AHNAK: variants seen among roughly 807,000 people sequenced by gnomAD.
AHNAK encodes AHNAK nucleoprotein.
In AHNAK, 23 loss-of-function variants were observed where a neutral mutation model predicts 37.8. The ratio of observed to expected loss-of-function variants is 0.61; its 90% CI spans 0.44 to 0.86. AHNAK has a LOEUF of 0.86. Among genes scored for constraint, AHNAK ranks in the 40% least tolerant of loss-of-function variants. The pLI is 0.00. For missense variants in AHNAK, 7,411 were observed against 7,319.4 expected (o/e 1.01, Z -0.46); for synonymous variants, 2,481 against 2,636.3 (o/e 0.94, Z 1.80).
chr11:62,473,607 C>T (rs1330645810), intron 5 of AHNAK, among the ~76,000 whole-genome samples: 1 of 151,596 alleles, frequency 6.6e-6, no homozygotes, highest in Non-Finnish European at 1.5e-5. Context: ...CTGGCGTGAA[C>T]CTGGGAGGCA....
At chr11:62,481,105 T>G (rs1939263650) in intron 5 of AHNAK, among the ~76,000 whole-genome samples, 2 of 137,944 alleles carry the variant, frequency 1.4e-5, no homozygotes, top group African/African-American at 5.1e-5. Context: ...TTTTTTTTGG[T>G]TTTTTTTTTG....
At chr11:62,487,191 C>T (rs765476229) in intron 5 of AHNAK, among the ~76,000 whole-genome samples, 2 of 152,236 alleles carry the variant, frequency 1.3e-5, no homozygotes. Context: ...TTATTAAGCA[C>T]TTACTGTATG....
At chr11:62,441,671 T>G (rs1179831185) in intron 5 of AHNAK, among the ~76,000 whole-genome samples, 1 of 151,750 alleles carries the variant, frequency 6.6e-6, no homozygotes, top group Non-Finnish European at 1.5e-5. Context: ...CCAGCTAACT[T>G]TTGTATTTTC....
In AHNAK at chr11:62,519,731, C is replaced by A; in HGVS notation, c.14686G>T (p.Asp4896Tyr). The change falls in exon 5 of 5, where the codon GAT (aspartate) becomes TAT (tyrosine). Residue 4896 changes from aspartate (D) to tyrosine (Y), a missense_variant. By Grantham distance (160) the Asp-to-Tyr change is radical. Coordinates refer to ENST00000378024, the MANE Select transcript of AHNAK (RefSeq NM_001620.3). ...AAAGATGGGCCACTGAGTTTGGCAT[C>A]AGGGCCTTCGAAATCCAGACGTGGA... is the stretch of plus-strand genomic sequence containing the variant. ...KGPRLDFEGP[D>Y]AKLSGPSLKM... 6.2e-7 allele frequency: 1 copy of A among 1,613,792 alleles called. No homozygotes were observed. The highest frequency in any genetic ancestry group is 8.5e-7 in the Non-Finnish European group (1 of 1,179,874).
At position 62,518,661 on chromosome 11, in the gene AHNAK, T is replaced by TC; in HGVS notation, c.15755dup (p.Ala5253SerfsTer11). 6.2e-7 allele frequency: 1 copy of TC among 1,614,014 alleles called. No homozygotes were observed. The highest frequency in any genetic ancestry group is 8.5e-7 in the Non-Finnish European group (1 of 1,179,998). Reference sequence around the variant, plus strand: ...AGGGTAGCTGGGCATGGACCTCGGCTCCCCCACCCTCCATTTTCACACCTG... The same window carrying TC: ...AGGGTAGCTGGGCATGGACCTCGGCTCCCCCCACCCTCCATTTTCACACCTG... On this transcript the variant is annotated frameshift_variant, in exon 5 of 5. Coordinates refer to ENST00000378024, the MANE Select transcript of AHNAK (RefSeq NM_001620.3). LOFTEE classifies it high-confidence loss of function.
Position 62,533,916 on chromosome 11 carries a change from C to T in AHNAK, c.501G>A (p.Arg167=). Residue 167 remains arginine (R), a synonymous_variant, in exon 5 of 5, where the codon CGG becomes CGA. Transcript: ENST00000378024. ...VTAYTVDVTG[R]EGAKDIDISS... is the part of the protein sequence containing the mutation. The stretch of plus-strand genomic sequence containing the variant: ...TGATGTCTATGTCCTTGGCTCCTTC[C>T]CGGCCAGTCACATCCACAGTGTAGG... 1 of 1,614,176 alleles carries T rather than the reference C, an allele frequency of 6.2e-7. No individual in the cohort carries two copies. The highest frequency in any genetic ancestry group is 2.2e-5 in the East Asian group (1 of 44,884).
At chr11:62,458,484 C>T (rs368117100) in intron 5 of AHNAK, among the ~76,000 whole-genome samples, 2 of 152,246 alleles carry the variant, frequency 1.3e-5, no homozygotes, top group South Asian at 4.1e-4. Context: ...AACTAACTCA[C>T]CCTCCCTACA....
Position 62,525,637 on chromosome 11 carries a change from C to A in AHNAK, c.8780G>T (p.Gly2927Val), listed in dbSNP as rs1940451805. 1 of 1,613,756 alleles carries A rather than the reference C, an allele frequency of 6.2e-7. No individual in the cohort carries two copies. Among genetic ancestry groups the A allele is most frequent in the Non-Finnish European group, 8.5e-7 (1 of 1,179,970 alleles). ...AGGGCCTTCAACGTCCACTTTGGGG[C>A]CTGAGACATCAACGTCAGCCTTGGG... ...NLPKADVDVSGPKVDVEGPDV... is the reference protein window; with the variant it reads ...NLPKADVDVSVPKVDVEGPDV... The change falls in exon 5 of 5, where the codon GGC (glycine) becomes GTC (valine). Residue 2927 changes from glycine to valine, a missense_variant. By Grantham distance (109) the Gly-to-Val change is moderately radical. Transcript: ENST00000378024.
At chr11:62,543,823 C>G (rs538482243) in intron 1 of AHNAK, among the ~76,000 whole-genome samples, 1 of 152,362 alleles carries the variant, frequency 6.6e-6, no homozygotes, top group East Asian at 1.9e-4. Context: ...TAAATCCTCC[C>G]CAGCGGCCAT....
intron 5 of AHNAK, among the ~76,000 whole-genome samples, chr11:62,451,736 CAAAA>C (rs572246314): frequency 4.4e-5 from 5 of 113,462 alleles, no homozygotes; most frequent in Non-Finnish European, 6.7e-5. Context: ...GACTCCGTCT[CAAAA>C]AAAAAAAAAA....
In AHNAK at chr11:62,521,525, C is replaced by A; in HGVS notation, c.12892G>T (p.Val4298Leu). The change falls in exon 5 of 5, where the codon GTG becomes TTG. Residue 4298 changes from valine (V) to leucine (L), a missense_variant. By Grantham distance (32) the Val-to-Leu change is conservative. Coordinates refer to ENST00000378024, the MANE Select transcript of AHNAK (RefSeq NM_001620.3). ...TCTACATCAGGGGCATCGATGTCCA[C>A]TTTGGGGCCCTTGATGTCAACTTCT... ...GPEVDIKGPK[V>L]DIDAPDVDVH... is the part of the protein sequence containing the mutation. 1 of 1,612,232 alleles carries A rather than the reference C, an allele frequency of 6.2e-7. No homozygotes were observed. The highest frequency in any genetic ancestry group is 8.5e-7 in the Non-Finnish European group (1 of 1,179,562).
chr11:62,480,293 T>G (rs1939240951), intron 5 of AHNAK, among the ~76,000 whole-genome samples: 1 of 152,162 alleles, frequency 6.6e-6, no homozygotes, highest in African/African-American at 2.4e-5. Context: ...TTAAATTAAA[T>G]TTCTGCTTGT....
intron 5 of AHNAK, among the ~76,000 whole-genome samples, chr11:62,465,263 C>A (rs1006346867): frequency 6.6e-6 from 1 of 152,176 alleles, no homozygotes; most frequent in Non-Finnish European, 1.5e-5. Context: ...TCCTAACCCC[C>A]AGTACCTGTG....
At position 62,455,662 on chromosome 11, in the gene AHNAK, G is replaced by A. The variant is rs143518875; in HGVS notation, c.443-21771C>T. The stretch of plus-strand genomic sequence containing the variant: ...GGAAGTTGCGGTGAGCTGAGATGGC[G>A]CCATTGCACTCCAACCTGGGCAACA... On this transcript the variant is annotated intron_variant, in intron 5 of 5. Coordinates refer to the AHNAK transcript ENST00000257247. 5.7e-3 allele frequency among the ~76,000 whole-genome samples: 862 copies of A among 151,406 alleles called. 14 individuals are homozygous for A. The highest frequency in any genetic ancestry group is 0.02 in the African/African-American group (822 of 41,244).
Position 62,525,834 on chromosome 11 carries a change from C to T in AHNAK, c.8583G>A (p.Glu2861=). The T allele has an allele frequency of 6.2e-7, 1 of 1,613,942 alleles. No individual in the cohort carries two copies. The highest frequency in any genetic ancestry group is 8.5e-7 in the Non-Finnish European group (1 of 1,179,978). Residue 2861 remains glutamate, a synonymous_variant, in exon 5 of 5, where the codon GAG becomes GAA. Coordinates refer to ENST00000378024, the MANE Select transcript of AHNAK (RefSeq NM_001620.3). ...CAACTTCAGGACCTTTCAGATCTCC[C>T]TCTACCTTAGGGCCTGTAACATCCA... ...GDVDVTGPKV[E]GDLKGPEVDL...
rs1374547472 is a variant in AHNAK, at chr11:62,534,181, G to T, written c.343-107C>A. On this transcript the variant is annotated intron_variant, in intron 4 of 4. Transcript: ENST00000378024. ...ACGTTGCCTGTTTCCCAGAGAAGCT[G>T]GGACCAAAACAGAGGTCCATGGAGC... The T allele has an allele frequency of 4.7e-6, 6 of 1,266,152 alleles. No homozygotes were observed. The East Asian group carries it at 1.3e-4, about 27-fold the overall frequency. The allele number at this position is 1,266,152 out of a possible 1,614,324, so 78.4% of individuals were successfully genotyped here. A position where few individuals can be genotyped will look rare whatever the true frequency, so the allele number is the denominator to read the frequency against.
rs1565245370 is a variant in AHNAK, at chr11:62,532,490, CT to C, written c.1926del (p.Glu644LysfsTer7). On this transcript the variant is annotated frameshift_variant, in exon 5 of 5. Coordinates refer to ENST00000378024, the MANE Select transcript of AHNAK (RefSeq NM_001620.3). LOFTEE classifies it low-confidence loss of function (END_TRUNC). ...KMPTFSTPGA[K>X]GEGPDVHMTL... ...GTCATATGAACATCTGGACCTTCCC[CT>C]TTGGCTCCTGGAGTGCTGAACGTGG... is the stretch of plus-strand genomic sequence containing the variant. 6 of 1,614,074 alleles carry C rather than the reference CT, an allele frequency of 3.7e-6. No homozygotes were observed. Among genetic ancestry groups the C allele is most frequent in the Non-Finnish European group, 5.1e-6 (6 of 1,180,016 alleles).
intron 4 of AHNAK, among the ~76,000 whole-genome samples, chr11:62,502,518 T>C (rs1042615349): frequency 6.6e-6 from 1 of 152,150 alleles, no homozygotes; most frequent in African/African-American, 2.4e-5. Context: ...TTATCAAGTT[T>C]CTGCCACGTG....
intron 5 of AHNAK, among the ~76,000 whole-genome samples, chr11:62,446,540 A>G (rs1938425912): frequency 6.6e-6 from 1 of 152,188 alleles, no homozygotes; most frequent in Admixed American, 6.5e-5. Context: ...AGTCTATTAT[A>G]TCAGATGATT....
Sources: gnomAD v4.1 joint callset for allele counts (sites outside exome capture counted in the v4.1 genomes callset) on GRCh38, gnomAD v4.1.1 for gene constraint, MANE v1.5 for transcripts, NCBI Gene and HGNC (gene_info 2026-07-23, HGNC 2026-07-21) for gene names.